PDE10A: variants seen among roughly 807,000 people sequenced by gnomAD.
PDE10A encodes the protein phosphodiesterase 10A.
PDE10A carries 39 observed loss-of-function variants against 97.7 expected under a neutral mutation model. That is an observed-to-expected ratio of 0.40 (90% CI 0.31 to 0.52). The LOEUF (loss-of-function observed/expected upper bound fraction) is 0.52. Among genes scored for constraint, PDE10A ranks in the 20% least tolerant of loss-of-function variants. PDE10A has a pLI of 0.56. For synonymous variants in PDE10A, 371 were observed against 376.8 expected, an observed-to-expected ratio of 0.98 and a Z score of 0.18; for missense variants, 731 against 1,047.8, an observed-to-expected ratio of 0.70 and a Z score of 4.17.
At chr6:165,468,214 G>C (rs1162415852) in intron 3 of PDE10A, among the ~76,000 whole-genome samples, 1 of 151,974 alleles carries the variant, frequency 6.6e-6, no homozygotes, top group Non-Finnish European at 1.5e-5. Flanking sequence ...GAGTAGCAGG[G>C]ATTGCAGGTG....
chr6:165,502,285 T>C (rs918306896), intron 2 of PDE10A, among the ~76,000 whole-genome samples: 2 of 152,158 alleles, frequency 1.3e-5, no homozygotes, highest in Non-Finnish European at 2.9e-5. Flanking sequence ...CAAATTTAAA[T>C]ACTTTGGCTC....
At chr6:165,891,152 T>C (rs1781781434) in intron 1 of PDE10A, among the ~76,000 whole-genome samples, 1 of 152,222 alleles carries the variant, frequency 6.6e-6, no homozygotes, top group South Asian at 2.1e-4. Flanking sequence ...CTGTCCAGTG[T>C]TGCAGGTTTT....
At chr6:165,417,110 C>T (rs900077036) in intron 11 of PDE10A, among the ~76,000 whole-genome samples, 4 of 152,118 alleles carry the variant, frequency 2.6e-5, no homozygotes, top group Non-Finnish European at 5.9e-5. Context: ...AGGAAATCAC[C>T]ATTATTGAAA....
intron 1 of PDE10A, among the ~76,000 whole-genome samples, chr6:165,559,779 T>G (rs1465737939): frequency 1.3e-5 from 2 of 152,186 alleles, no homozygotes; most frequent in East Asian, 3.9e-4. Context: ...CCAGTTTCCC[T>G]AGTACTGTTC....
At chr6:165,593,138 T>C (rs564273941) in intron 1 of PDE10A, among the ~76,000 whole-genome samples, 2 of 152,228 alleles carry the variant, frequency 1.3e-5, no homozygotes, top group Non-Finnish European at 2.9e-5. Flanking sequence ...GGTGAGTTCA[T>C]GTCCTTGGCA....
chr6:165,859,857 C>T (rs1277048389), intron 1 of PDE10A, among the ~76,000 whole-genome samples: 2 of 151,950 alleles, frequency 1.3e-5, no homozygotes, highest in Non-Finnish European at 2.9e-5. Context: ...TACTACTCAG[C>T]CATAAAAAGG....
intron 1 of PDE10A, among the ~76,000 whole-genome samples, chr6:165,763,592 G>A (rs949569663): frequency 2.0e-5 from 3 of 152,172 alleles, no homozygotes; most frequent in East Asian, 3.9e-4. Context: ...CAAAGTGCTA[G>A]GATTACAGGT....
intron 1 of PDE10A, chr6:165,780,421 C>G (rs1328374549): frequency 6.6e-6 from 1 of 152,186 alleles, no homozygotes; most frequent in Non-Finnish European, 1.5e-5. Context: ...TCTTAAAAGC[C>G]TGTTTTATGG....
intron 17 of PDE10A, among the ~76,000 whole-genome samples, chr6:165,382,309 C>T (rs1437710673): frequency 6.6e-6 from 1 of 152,104 alleles, no homozygotes; most frequent in African/African-American, 2.4e-5. Context: ...GTATTCTGTC[C>T]ACTGCTGGGG....
chr6:165,805,990 C>T (rs1489878867), intron 1 of PDE10A, among the ~76,000 whole-genome samples: 2 of 144,918 alleles, frequency 1.4e-5, no homozygotes, highest in East Asian at 4.1e-4. Context: ...CTTCCTCAGT[C>T]CCTGCTTTGT....
intron 1 of PDE10A, among the ~76,000 whole-genome samples, chr6:165,745,529 A>G (rs1275955698): frequency 1.3e-5 from 2 of 152,206 alleles, no homozygotes; most frequent in East Asian, 3.8e-4. Context: ...AAATAAATTC[A>G]TGACCCAGTT....
intron 1 of PDE10A, chr6:165,894,467 G>A (rs964567515): frequency 6.6e-6 from 3 of 455,944 alleles, no homozygotes; most frequent in African/African-American, 2.0e-5. Flanking sequence ...TGAACAAGTG[G>A]TGGAGAGGGA....
intron 1 of PDE10A, among the ~76,000 whole-genome samples, chr6:165,624,723 A>T (rs1788301507): frequency 1.3e-5 from 2 of 152,262 alleles, no homozygotes; most frequent in South Asian, 4.1e-4. Flanking sequence ...GAAGCACAAC[A>T]GTGAACAAAG....
intron 2 of PDE10A, among the ~76,000 whole-genome samples, chr6:165,537,780 A>G (rs750963066): frequency 1.3e-5 from 2 of 148,960 alleles, no homozygotes; most frequent in South Asian, 2.1e-4. Context: ...ACCAAAAAAT[A>G]TAAATAAAAT....
At chr6:165,608,072 A>G (rs540561000) in intron 1 of PDE10A, among the ~76,000 whole-genome samples, 17 of 148,002 alleles carry the variant, frequency 1.1e-4, no homozygotes, top group Admixed American at 2.0e-4. Context: ...GTATATATAT[A>G]TGTATATATG....
intron 1 of PDE10A, among the ~76,000 whole-genome samples, chr6:165,609,272 A>T (rs1193439924): frequency 6.6e-6 from 1 of 152,240 alleles, no homozygotes; most frequent in Non-Finnish European, 1.5e-5. Flanking sequence ...TGATTATCTC[A>T]GTAGATGCAG....
At chr6:165,844,997 C>G (rs544486902) in intron 1 of PDE10A, among the ~76,000 whole-genome samples, 74 of 152,266 alleles carry the variant, frequency 4.9e-4, no homozygotes, top group African/African-American at 1.6e-3. Context: ...GAAGTATCTG[C>G]CATTATGCTT....
At position 165,430,318 on chromosome 6, in the gene PDE10A, C is replaced by A; in HGVS notation, c.1570G>T (p.Glu524Ter). 1.2e-6 allele frequency: 2 copies of A among 1,609,182 alleles called. No homozygotes were observed. Among genetic ancestry groups the A allele is most frequent in the Non-Finnish European group, 1.7e-6 (2 of 1,176,378 alleles). The change falls in exon 9 of 22, where the codon GAA becomes TAA. Residue 524 changes from glutamate (E) to a stop codon, truncating the protein, a stop_gained. Coordinates refer to ENST00000539869, the MANE Select transcript of PDE10A (RefSeq NM_001385079.1). LOFTEE classifies it high-confidence loss of function. ...QVCRGLAKQT[E>*]LNDFLLDVSK... is the part of the protein sequence containing the mutation. ...ACGTCGAGTAGGAAGTCATTCAATT[C>A]TGTCTGTTTGGCAAGGCCTCTGCAT...
At chr6:165,464,065 G>A (rs1323515375) in intron 3 of PDE10A, among the ~76,000 whole-genome samples, 2 of 152,160 alleles carry the variant, frequency 1.3e-5, no homozygotes, top group African/African-American at 2.4e-5. Flanking sequence ...TCTCAGCTCT[G>A]AAGGCTGTGA....
Sources: allele counts gnomAD v4.1 joint callset (sites outside exome capture counted in the v4.1 genomes callset), GRCh38; gene constraint gnomAD v4.1.1; transcripts MANE v1.5; gene names NCBI Gene and HGNC (gene_info 2026-07-23, HGNC 2026-07-21).